FAM13C: variants seen among roughly 807,000 people sequenced by gnomAD.
FAM13C encodes family with sequence similarity 13 member C.
A neutral mutation model predicts 73.2 loss-of-function variants in FAM13C; 37 were observed. That is an observed-to-expected ratio of 0.51 (90% CI 0.39 to 0.67). The LOEUF (loss-of-function observed/expected upper bound fraction) is 0.67, where lower values mean the gene tolerates loss of function less well. FAM13C is among the 30% of genes least tolerant of loss of function. FAM13C has a pLI of 0.00. For synonymous variants in FAM13C, 246 were observed against 260.9 expected (o/e 0.94, Z 0.55); for missense variants, 589 against 715.6 (o/e 0.82, Z 2.02).
intron 1 of FAM13C, among the ~76,000 whole-genome samples, chr10:59,356,739 A>G (rs934960633): frequency 6.6e-6 from 1 of 152,200 alleles, no homozygotes; most frequent in South Asian, 2.1e-4. Flanking sequence ...TGATTGAAAG[A>G]TGCCAAGTGT....
At chr10:59,271,406 C>G (rs1211239093) in intron 6 of FAM13C, among the ~76,000 whole-genome samples, 1 of 152,182 alleles carries the variant, frequency 6.6e-6, no homozygotes, top group Non-Finnish European at 1.5e-5. Flanking sequence ...TGGCTTCTCC[C>G]CTGGTGGATT....
chr10:59,286,407 C>G (rs1845553073), intron 5 of FAM13C, among the ~76,000 whole-genome samples: 1 of 151,106 alleles, frequency 6.6e-6, no homozygotes, highest in African/African-American at 2.4e-5. Flanking sequence ...TTCAGCTGCT[C>G]AGGACACTGA....
intron 3 of FAM13C, among the ~76,000 whole-genome samples, chr10:59,348,886 G>A (rs939029380): frequency 6.6e-6 from 1 of 152,086 alleles, no homozygotes; most frequent in Non-Finnish European, 1.5e-5. Flanking sequence ...CACCCGCCTC[G>A]GTCTTACAAA....
intron 12 of FAM13C, among the ~76,000 whole-genome samples, chr10:59,252,103 A>G (rs1841438512): frequency 6.6e-6 from 1 of 152,154 alleles, no homozygotes; most frequent in Non-Finnish European, 1.5e-5. Flanking sequence ...ATATTGGGAG[A>G]ATAGCAAAAC....
At position 59,274,351 on chromosome 10, in the gene FAM13C, C is replaced by G. The variant is rs149609730; in HGVS notation, c.593-4242G>C. On this transcript the variant is annotated intron_variant, in intron 6 of 13. Coordinates refer to ENST00000618804, the MANE Select transcript of FAM13C (RefSeq NM_198215.4). ...CATCCCAATAACCAAGGCGAGAAAA[C>G]AGATGAGCTTCCTTGGGTAGACAGC... is the stretch of plus-strand genomic sequence containing the variant. Among the ~76,000 whole-genome samples, 12 of 152,244 alleles carry G rather than the reference C, an allele frequency of 7.9e-5. No homozygotes were observed. The East Asian group carries it at 1.9e-3, about 25-fold the overall frequency.
chr10:59,338,240 C>T (rs534246370), intron 3 of FAM13C, among the ~76,000 whole-genome samples: 1 of 152,200 alleles, frequency 6.6e-6, no homozygotes, highest in South Asian at 2.1e-4. Context: ...AGTGCTCTTG[C>T]CAGTGCATGC....
chr10:59,265,305 T>TGTGG (rs1842906247), intron 8 of FAM13C, among the ~76,000 whole-genome samples: 1 of 32,174 alleles, frequency 3.1e-5, no homozygotes, highest in African/African-American at 1.6e-4. Context: ...GGCAGAGGGA[T>TGTGG]AGGGAAGGGG....
intron 3 of FAM13C, among the ~76,000 whole-genome samples, chr10:59,351,313 C>G: frequency 8.5e-6 from 1 of 117,698 alleles, no homozygotes; most frequent in East Asian, 2.6e-4. Context: ...GCCTGGTTGA[C>G]AGAGTGAGAC....
At chr10:59,324,257 C>T (rs1850778419) in intron 3 of FAM13C, 151 bp from the exon 4 acceptor site, 1 of 594,004 alleles carries the variant, frequency 1.7e-6, no homozygotes, top group Non-Finnish European at 2.9e-6. Flanking sequence ...ATTCACTGGT[C>T]CAAAATTTTA....
At chr10:59,361,274 A>G (rs1856379817) in intron 1 of FAM13C, among the ~76,000 whole-genome samples, 1 of 152,098 alleles carries the variant, frequency 6.6e-6, no homozygotes, top group South Asian at 2.1e-4. Context: ...GGAGCAGCAC[A>G]GCAAAAGAGA....
intron 4 of FAM13C, among the ~76,000 whole-genome samples, chr10:59,314,688 C>A (rs1414677538): frequency 6.6e-6 from 1 of 151,996 alleles, no homozygotes; most frequent in Non-Finnish European, 1.5e-5. Context: ...TCCCCTTGGA[C>A]CCCACCCCCA....
intron 8 of FAM13C, among the ~76,000 whole-genome samples, chr10:59,267,022 C>T (rs1005881840): frequency 7.2e-5 from 11 of 152,182 alleles, no homozygotes; most frequent in African/African-American, 2.7e-4. Context: ...CCTAATACTC[C>T]ATTTTACACA....
intron 5 of FAM13C, among the ~76,000 whole-genome samples, chr10:59,299,185 C>T (rs1847271132): frequency 6.6e-6 from 1 of 151,896 alleles, no homozygotes; most frequent in Non-Finnish European, 1.5e-5. Flanking sequence ...TTTGTTCATT[C>T]CATAATATAT....
intron 6 of FAM13C, among the ~76,000 whole-genome samples, chr10:59,281,272 T>C (rs764481943): frequency 6.6e-6 from 1 of 152,186 alleles, no homozygotes; most frequent in Non-Finnish European, 1.5e-5. Context: ...ACCATGGATC[T>C]GAGCATAAAT....
At chr10:59,340,729 A>G (rs1853381910) in intron 3 of FAM13C, among the ~76,000 whole-genome samples, 1 of 152,080 alleles carries the variant, frequency 6.6e-6, no homozygotes, top group Admixed American at 6.5e-5. Context: ...GAAAAAAAAT[A>G]AATAAAATAT....
At chr10:59,312,290 G>T (rs1396635085) in intron 4 of FAM13C, among the ~76,000 whole-genome samples, 1 of 152,132 alleles carries the variant, frequency 6.6e-6, no homozygotes, top group African/African-American at 2.4e-5. Context: ...AGGCACAGGG[G>T]ATTTGAGTAG....
At position 59,303,387 on chromosome 10, in the gene FAM13C, G is replaced by C. The variant is rs535578632; in HGVS notation, c.444-523C>G. ...TTATACATTTATTTGCATGTCCACAGTAAAGTGTAAGCTCCAAGGAGGTAT... is the reference window on the plus strand; with the variant it reads ...TTATACATTTATTTGCATGTCCACACTAAAGTGTAAGCTCCAAGGAGGTAT... On this transcript the variant is annotated intron_variant, in intron 4 of 13. Transcript: ENST00000618804. Among the ~76,000 whole-genome samples, 6 of 152,230 alleles carry C rather than the reference G, an allele frequency of 3.9e-5. No individual in the cohort carries two copies. In the East Asian group the frequency reaches 1.2e-3, roughly 29 times the overall value.
In FAM13C at chr10:59,283,770, G is replaced by T. The variant is rs557247911; in HGVS notation, c.508-323C>A. 4 of 517,808 alleles carry T rather than the reference G, an allele frequency of 7.7e-6. No individual in the cohort carries two copies. The East Asian group carries it at 8.6e-5, about 11-fold the overall frequency. 32.1% of individuals were successfully genotyped at this position (517,808 alleles called of 1,614,324 possible). On this transcript the variant is annotated intron_variant, in intron 5 of 13. Coordinates refer to ENST00000618804, the MANE Select transcript of FAM13C (RefSeq NM_198215.4). ...ACTGGTGATTTCATCAGCAAGAGAC[G>T]CTGCATCTGGAGAACCAATCTGAGA...
chr10:59,314,489 T>C (rs1849294581), intron 4 of FAM13C, among the ~76,000 whole-genome samples: 2 of 152,218 alleles, frequency 1.3e-5, no homozygotes, highest in African/African-American at 4.8e-5. Flanking sequence ...GCCAAGGCCT[T>C]TCCTCTTTAC....
Sources: allele counts gnomAD v4.1 joint callset (sites outside exome capture counted in the v4.1 genomes callset), GRCh38; gene constraint gnomAD v4.1.1; transcripts MANE v1.5; gene names NCBI Gene and HGNC (gene_info 2026-07-23, HGNC 2026-07-21).